The following NBEAL1 variants were observed in gnomAD, a reference collection of about 807,000 sequenced individuals.
The protein encoded by NBEAL1 is neurobeachin like 1.
NBEAL1 carries 273 observed loss-of-function variants against 351.3 expected under a neutral mutation model. That is an observed-to-expected ratio of 0.78 (90% CI 0.70 to 0.86). The LOEUF (loss-of-function observed/expected upper bound fraction) is 0.86, where lower values mean the gene tolerates loss of function less well. NBEAL1 is among the 40% of genes least tolerant of loss of function. The pLI is 0.00. For synonymous variants in NBEAL1, 1,050 were observed against 1,086.4 expected (o/e 0.97, Z 0.66); for missense variants, 2,961 against 3,201.3 (o/e 0.92, Z 1.81).
At chr2:203,114,855 GTT>G (rs76647931) in intron 17 of NBEAL1, among the ~76,000 whole-genome samples, 69,803 of 151,402 alleles carry the variant, frequency 0.46, 17,573 homozygotes, top group Middle Eastern at 0.67. Context: ...GGGTTCAAGT[GTT>G]TCTTGTGCTT....
intron 2 of NBEAL1, among the ~76,000 whole-genome samples, chr2:203,023,427 G>A (rs961239061): frequency 7.9e-5 from 12 of 152,152 alleles, no homozygotes; most frequent in Non-Finnish European, 1.6e-4. Context: ...GAAATGTATA[G>A]TTTATATCAG....
intron 2 of NBEAL1, among the ~76,000 whole-genome samples, chr2:203,022,939 T>C (rs2060793728): frequency 6.6e-6 from 1 of 152,324 alleles, no homozygotes; most frequent in South Asian, 2.1e-4. Flanking sequence ...TGTTGCCCTT[T>C]GTCCTGCTAA....
chr2:203,093,060 G>T (rs557540666), intron 10 of NBEAL1, among the ~76,000 whole-genome samples: 1 of 151,470 alleles, frequency 6.6e-6, no homozygotes, highest in Non-Finnish European at 1.5e-5. Context: ...GTGAAACCCC[G>T]TCTCTACTAA....
chr2:203,204,812 A>G (rs370015580), intron 51 of NBEAL1, among the ~76,000 whole-genome samples: 14 of 152,168 alleles, frequency 9.2e-5, no homozygotes, highest in East Asian at 5.8e-4. Flanking sequence ...TTGTTAATAT[A>G]AAGAAAAGCT....
rs2063481284 is a variant in NBEAL1 at position 203,145,214 on chromosome 2, A to G, written c.5304+54A>G. On this transcript the variant is annotated intron_variant, in intron 33 of 55. Coordinates refer to ENST00000683969, the MANE Select transcript of NBEAL1 (RefSeq NM_001378026.1). ...TTTTCTTGTTGATTTTAGGCATTTA[A>G]TATTGATTAAGAGTAATACAGGCCC... 1.2e-5 allele frequency: 19 copies of G among 1,522,050 alleles called. No homozygotes were observed. The East Asian group carries it at 3.4e-4, about 27-fold the overall frequency. 94.3% of individuals were successfully genotyped at this position (1,522,050 alleles called of 1,614,324 possible). A position where few individuals can be genotyped will look rare whatever the true frequency, so the allele number is the denominator to read the frequency against.
chr2:203,217,055 C>T (rs1285842266), intron 55 of NBEAL1, among the ~76,000 whole-genome samples, 198 bp from the exon 56 acceptor site: 5 of 152,186 alleles, frequency 3.3e-5, no homozygotes, highest in East Asian at 1.9e-4. Context: ...CTACCTGCCT[C>T]GGCCTACCAA....
chr2:203,179,867 G>A (rs973590678), intron 42 of NBEAL1, among the ~76,000 whole-genome samples: 6 of 151,860 alleles, frequency 4.0e-5, no homozygotes, highest in African/African-American at 9.7e-5. Flanking sequence ...TCTGCCTCCC[G>A]GGCTCAAGCA....
intron 48 of NBEAL1, among the ~76,000 whole-genome samples, 200 bp from the exon 49 acceptor site, chr2:203,199,138 G>C (rs1481468980): frequency 1.3e-5 from 2 of 152,136 alleles, no homozygotes; most frequent in Non-Finnish European, 1.5e-5. Context: ...TGAAACCCTG[G>C]CTCCAAAAAT....
chr2:203,189,561 AT>A, intron 45 of NBEAL1, among the ~76,000 whole-genome samples: 1 of 151,592 alleles, frequency 6.6e-6, no homozygotes, highest in Non-Finnish European at 1.5e-5. Context: ...AATTTTTAAA[AT>A]TTTTTAGAGA....
chr2:203,055,848 T>A (rs148816687), intron 4 of NBEAL1, among the ~76,000 whole-genome samples: 1 of 152,214 alleles, frequency 6.6e-6, no homozygotes, highest in Admixed American at 6.5e-5. Context: ...TAAGCACTTA[T>A]GAACCCACTG....
At chr2:203,035,059 C>T (rs2061020032) in intron 2 of NBEAL1, among the ~76,000 whole-genome samples, 2 of 149,082 alleles carry the variant, frequency 1.3e-5, no homozygotes, top group African/African-American at 4.9e-5. Context: ...AGCATTCCCC[C>T]TATTCTTAGC....
chr2:203,217,425 C>T lies in NBEAL1; in HGVS notation c.*71C>T. On this transcript the variant is annotated 3_prime_UTR_variant, in exon 56 of 56. Transcript: ENST00000683969. ...GCTTTGTCACTTTAACCACATCTCT[C>T]AACTCTCTGCAATGTTGCAAGGCTT... The T allele has an allele frequency of 7.1e-7, 1 of 1,417,440 alleles. No individual in the cohort carries two copies. The highest frequency in any genetic ancestry group is 1.7e-5 in the South Asian group (1 of 59,440). 87.8% of individuals were successfully genotyped at this position (1,417,440 alleles called of 1,614,324 possible).
chr2:203,177,035 C>T (rs1435916050), intron 42 of NBEAL1, among the ~76,000 whole-genome samples: 1 of 151,220 alleles, frequency 6.6e-6, no homozygotes, highest in African/African-American at 2.4e-5. Context: ...CCTGTAGTCC[C>T]AGCTACTTGG....
At chr2:203,016,111 G>A (rs4675310) in intron 1 of NBEAL1, 45 bp from the exon 2 acceptor site, 259,984 of 289,716 alleles carry the variant, frequency 0.9, 116,849 homozygotes, top group East Asian at 0.99. Context: ...AGATTTTTTA[G>A]TATGGCCTCT....
At chr2:203,141,366 ATTTTTTTTTTTT>A (rs71034219) in intron 31 of NBEAL1, among the ~76,000 whole-genome samples, 4 of 9,098 alleles carry the variant, frequency 4.4e-4, no homozygotes, top group Admixed American at 2.3e-3. Flanking sequence ...TATTATTATT[ATTTTTTTTTTTT>A]TTTTTTTTTT....
chr2:203,034,140 C>T (rs2060999081), intron 2 of NBEAL1, among the ~76,000 whole-genome samples: 1 of 150,554 alleles, frequency 6.6e-6, no homozygotes, highest in Non-Finnish European at 1.5e-5. Context: ...GTCCCTAGTT[C>T]GTACATGGTT....
At chr2:203,064,310 C>T (rs557995181) in intron 6 of NBEAL1, among the ~76,000 whole-genome samples, 1 of 152,280 alleles carries the variant, frequency 6.6e-6, no homozygotes, top group South Asian at 2.1e-4. Context: ...GCCTCAGCCT[C>T]CCAAAGTGCT....
chr2:203,094,351 C>G (rs541761302), intron 10 of NBEAL1, among the ~76,000 whole-genome samples: 3 of 152,294 alleles, frequency 2.0e-5, no homozygotes, highest in African/African-American at 7.2e-5. Context: ...CCCAAATATA[C>G]CGCATGATGC....
At chr2:203,016,868 G>A (rs1159646206) in intron 2 of NBEAL1, among the ~76,000 whole-genome samples, 1 of 152,164 alleles carries the variant, frequency 6.6e-6, no homozygotes, top group Non-Finnish European at 1.5e-5. Context: ...ACTGCGTGCT[G>A]TGTGACTGCC....
Sources: gnomAD v4.1 joint callset for allele counts (sites outside exome capture counted in the v4.1 genomes callset) on GRCh38, gnomAD v4.1.1 for gene constraint, MANE v1.5 for transcripts, NCBI Gene and HGNC (gene_info 2026-07-23, HGNC 2026-07-21) for gene names.